SHISA6: variants seen among roughly 807,000 people sequenced by gnomAD.
SHISA6 encodes shisa family member 6, also known as protein shisa-6.
Under a neutral mutation model 47.9 loss-of-function variants are expected in SHISA6, and 22 were observed. The observed-to-expected ratio is 0.46, with a 90% confidence interval of 0.33 to 0.66. The LOEUF (loss-of-function observed/expected upper bound fraction) is 0.66. SHISA6 is among the 30% of genes least tolerant of loss of function. SHISA6 has a pLI of 0.02. For missense variants in SHISA6, 680 were observed against 764.6 expected (o/e 0.89, Z 1.30); for synonymous variants, 388 against 337.8 (o/e 1.15, Z -1.63).
At chr17:11,348,704 GAAA>G (rs1911777867) in intron 2 of SHISA6, among the ~76,000 whole-genome samples, 2 of 151,322 alleles carry the variant, frequency 1.3e-5, no homozygotes, top group Admixed American at 1.3e-4. Flanking sequence ...TCCTTCATAA[GAAA>G]CAAGTTCATT....
chr17:11,458,367 A>G (rs139826453), intron 3 of SHISA6, among the ~76,000 whole-genome samples: 1 of 151,186 alleles, frequency 6.6e-6, no homozygotes, highest in African/African-American at 2.4e-5. Flanking sequence ...TTTGTTCTTC[A>G]CTCTCCCCTC....
chr17:11,544,369 C>T (rs953060610), intron 3 of SHISA6, among the ~76,000 whole-genome samples: 9 of 151,776 alleles, frequency 5.9e-5, no homozygotes, highest in Non-Finnish European at 1.0e-4. Context: ...CAGGAAAATG[C>T]AATCTGATTT....
chr17:11,289,601 T>TATAC lies in SHISA6; in HGVS notation c.799+26076_799+26077insTACA, dbSNP rs1555525967. On this transcript the variant is annotated intron_variant, in intron 2 of 5. Transcript: ENST00000441885. ...AAATATATATATATGTATATATATATACACACACACACAATATTTTCCATT... is the reference window on the plus strand; with the variant it reads ...AAATATATATATATGTATATATATATATACACACACACACACAATATTTTCCATT... 1.3e-3 allele frequency: 179 copies of TATAC among 143,078 alleles called. 1 individual carries two copies. In the South Asian group the frequency reaches 0.023, roughly 18 times the overall value. The allele number at this position is 143,078 out of a possible 1,614,324, so 8.9% of individuals were successfully genotyped here.
intron 1 of SHISA6, among the ~76,000 whole-genome samples, chr17:11,254,349 A>G (rs1479852132): frequency 6.6e-6 from 1 of 152,198 alleles, no homozygotes; most frequent in Non-Finnish European, 1.5e-5. Flanking sequence ...AGCACACCTG[A>G]AAGATACATG....
chr17:11,557,741 C>T lies in SHISA6; in HGVS notation c.1106-13C>T. ...CCCCAGTTGCCTTCTCTCACTCTGTCTCTCCCCTGCAGCCGACAAGGAGGC... is the reference window on the plus strand; with the variant it reads ...CCCCAGTTGCCTTCTCTCACTCTGTTTCTCCCCTGCAGCCGACAAGGAGGC... On this transcript the variant is annotated splice_polypyrimidine_tract_variant and intron_variant, in intron 5 of 5. Transcript: ENST00000441885. 1 of 1,526,084 alleles carries T rather than the reference C, an allele frequency of 6.6e-7. No homozygotes were observed. The highest frequency in any genetic ancestry group is 8.8e-7 in the Non-Finnish European group (1 of 1,133,532). The allele number at this position is 1,526,084 out of a possible 1,614,324, so 94.5% of individuals were successfully genotyped here.
chr17:11,519,950 T>G (rs2071615507), intron 3 of SHISA6, among the ~76,000 whole-genome samples: 1 of 152,202 alleles, frequency 6.6e-6, no homozygotes, highest in African/African-American at 2.4e-5. Context: ...CCTCTGTCAT[T>G]GGCCCCAAGC....
At chr17:11,444,073 C>G (rs900917160) in intron 3 of SHISA6, among the ~76,000 whole-genome samples, 17 of 152,170 alleles carry the variant, frequency 1.1e-4, no homozygotes, top group African/African-American at 3.6e-4. Context: ...AATCCCAACA[C>G]TTTGGGAGGC....
At chr17:11,422,070 T>G (rs1223864167) in intron 3 of SHISA6, among the ~76,000 whole-genome samples, 1 of 152,160 alleles carries the variant, frequency 6.6e-6, no homozygotes, top group Non-Finnish European at 1.5e-5. Flanking sequence ...TCTTGCACTT[T>G]TGGGTTTACC....
rs1914381552 is a variant in SHISA6, at chr17:11,419,244, A to G, written c.895+39735A>G. Among the ~76,000 whole-genome samples the G allele has an allele frequency of 2.0e-5, 3 of 151,918 alleles. No homozygotes were observed. The South Asian group carries it at 6.2e-4, about 32-fold the overall frequency. On this transcript the variant is annotated intron_variant, in intron 3 of 5. Coordinates refer to ENST00000441885, the MANE Select transcript of SHISA6 (RefSeq NM_207386.4). Reference sequence around the variant, plus strand: ...TAATAAAATTTAAAAAAGAAAAAAGAAAAAAAGAAAACAAAGCAAAACAAA... The same window carrying G: ...TAATAAAATTTAAAAAAGAAAAAAGGAAAAAAGAAAACAAAGCAAAACAAA...
chr17:11,337,415 A>C (rs550672510), intron 2 of SHISA6, among the ~76,000 whole-genome samples: 1 of 152,182 alleles, frequency 6.6e-6, no homozygotes, highest in Non-Finnish European at 1.5e-5. Flanking sequence ...TCGGGCTTGC[A>C]CCTGCACGAG....
chr17:11,375,989 T>C (rs547329382), intron 2 of SHISA6, among the ~76,000 whole-genome samples: 1 of 152,294 alleles, frequency 6.6e-6, no homozygotes, highest in African/African-American at 2.4e-5. Context: ...CTGTCCGTCC[T>C]GTGACATGGA....
At chr17:11,543,889 G>A (rs1302012722) in intron 3 of SHISA6, among the ~76,000 whole-genome samples, 1 of 127,398 alleles carries the variant, frequency 7.8e-6, no homozygotes, top group East Asian at 2.4e-4. Context: ...AGTGATTCTA[G>A]AGCAATTGGA....
intron 3 of SHISA6, among the ~76,000 whole-genome samples, chr17:11,437,014 C>T (rs1308613267): frequency 6.6e-6 from 1 of 152,188 alleles, no homozygotes; most frequent in Non-Finnish European, 1.5e-5. Context: ...AGCCCATTCC[C>T]TTGAAAGCAG....
chr17:11,357,776 T>C (rs1413521991), intron 2 of SHISA6, among the ~76,000 whole-genome samples: 1 of 152,236 alleles, frequency 6.6e-6, no homozygotes, highest in Non-Finnish European at 1.5e-5. Flanking sequence ...ATAAATCTAC[T>C]CTGTCTGTAA....
intron 3 of SHISA6, among the ~76,000 whole-genome samples, chr17:11,532,428 ATC>A (rs1015237488): frequency 1.3e-5 from 2 of 152,206 alleles, no homozygotes; most frequent in Admixed American, 6.5e-5. Flanking sequence ...TCCCTTCCTT[ATC>A]TCTCTCAGAG....
chr17:11,429,933 T>C lies in SHISA6; in HGVS notation c.895+50424T>C, dbSNP rs115790548. Among the ~76,000 whole-genome samples the C allele has an allele frequency of 3.4e-3, 521 of 151,860 alleles. 4 individuals are homozygous for C. The highest frequency in any genetic ancestry group is 0.012 in the African/African-American group (497 of 41,394). Reference sequence around the variant, plus strand: ...CAGGTTGAAAGTGATTATTACATCATGGCCATCAAGATAGTTACCTACAAT... The same window carrying C: ...CAGGTTGAAAGTGATTATTACATCACGGCCATCAAGATAGTTACCTACAAT... On this transcript the variant is annotated intron_variant, in intron 3 of 5. Transcript: ENST00000441885.
At chr17:11,247,452 C>A (rs554326361) in intron 1 of SHISA6, among the ~76,000 whole-genome samples, 1 of 152,178 alleles carries the variant, frequency 6.6e-6, no homozygotes, top group Non-Finnish European at 1.5e-5. Flanking sequence ...TCCTTCCCTG[C>A]TGCCCTCTCC....
At chr17:11,505,157 G>C (rs1159222327) in intron 3 of SHISA6, among the ~76,000 whole-genome samples, 1 of 152,184 alleles carries the variant, frequency 6.6e-6, no homozygotes, top group African/African-American at 2.4e-5. Flanking sequence ...AGTACTTTTA[G>C]AAAGTCCAGC....
intron 2 of SHISA6, among the ~76,000 whole-genome samples, chr17:11,307,068 C>A (rs1353299646): frequency 6.6e-6 from 1 of 151,680 alleles, no homozygotes; most frequent in Non-Finnish European, 1.5e-5. Context: ...AATTTTATTT[C>A]TTCTATATCT....
Sources: allele counts gnomAD v4.1 joint callset (sites outside exome capture counted in the v4.1 genomes callset), GRCh38; gene constraint gnomAD v4.1.1; transcripts MANE v1.5; gene names NCBI Gene and HGNC (gene_info 2026-07-23, HGNC 2026-07-21).